Variants in RFNG observed in about 807,000 individuals in gnomAD.
The protein encoded by RFNG is beta-1,3-N-acetylglucosaminyltransferase radical fringe.
Under a neutral mutation model 29.6 loss-of-function variants are expected in RFNG, and 37 were observed. That is an observed-to-expected ratio of 1.25 (90% confidence interval 0.96 to 1.65). RFNG has a LOEUF of 1.65. Ranked by LOEUF, RFNG falls within the 40% of genes most tolerant of loss-of-function variation. RFNG has a pLI of 0.00. For missense variants in RFNG, 546 were observed against 457.0 expected (o/e 1.19, Z -1.78); for synonymous variants, 276 against 197.3 (o/e 1.40, Z -3.34).
Position 82,051,195 on chromosome 17 carries a change from C to T in RFNG, c.316+99G>A, listed in dbSNP as rs568687775. 2.7e-5 allele frequency: 35 copies of T among 1,306,070 alleles called. No individual in the cohort carries two copies. In the African/African-American group the frequency reaches 4.6e-4, roughly 17 times the overall value. 80.9% of individuals were successfully genotyped at this position (1,306,070 alleles called of 1,614,324 possible). On this transcript the variant is annotated intron_variant, in intron 2 of 7. Coordinates refer to ENST00000310496, the MANE Select transcript of RFNG (RefSeq NM_002917.2). The surrounding 1 kb of genome is among the most constrained non-coding windows in gnomAD (Gnocchi z 4.1). ...CCTCCCCGGGCCTCGGGAGCCTGGGCAGAGAAAGGCACCCACAGCAGCGAA... is the reference window on the plus strand; with the variant it reads ...CCTCCCCGGGCCTCGGGAGCCTGGGTAGAGAAAGGCACCCACAGCAGCGAA...
In RFNG at chr17:82,051,775, C is replaced by G. The variant is rs1185363330; in HGVS notation, c.-9G>C. 9.0e-7 allele frequency: 1 copy of G among 1,108,520 alleles called. No individual in the cohort carries two copies. Among genetic ancestry groups the G allele is most frequent in the Non-Finnish European group, 1.1e-6 (1 of 910,302 alleles). 68.7% of individuals were successfully genotyped at this position (1,108,520 alleles called of 1,614,324 possible). A position where few individuals can be genotyped will look rare whatever the true frequency, so the allele number is the denominator to read the frequency against. On this transcript the variant is annotated 5_prime_UTR_variant, in exon 1 of 8. Transcript: ENST00000310496. This position sits in a 1 kb window ranked among gnomAD's most constrained non-coding sequence, Gnocchi z 4.1. The stretch of plus-strand genomic sequence containing the variant: ...CCACGCGCGCGGCTCATGCGGCCGC[C>G]GGGACCCCCGGCGCTGCGAGCGGAG...
In RFNG at chr17:82,049,853, G is replaced by T. The variant is rs765059450; in HGVS notation, c.663-11C>A. The T allele has an allele frequency of 6.2e-7, 1 of 1,605,498 alleles. No individual in the cohort carries two copies. The highest frequency in any genetic ancestry group is 8.5e-7 in the Non-Finnish European group (1 of 1,176,096). ...ATGAAGCTGCCCAGGCTGGGGGGAG[G>T]CCGGTCAGCACCTTTCAGGTCTCAG... On this transcript the variant is annotated splice_polypyrimidine_tract_variant and intron_variant, in intron 5 of 7. Coordinates refer to ENST00000310496, the MANE Select transcript of RFNG (RefSeq NM_002917.2).
At chr17:82,049,636 C>A in intron 6 of RFNG, 41 bp downstream of exon 6, 1 of 1,461,924 alleles carries the variant, frequency 6.8e-7, no homozygotes, top group South Asian at 1.4e-5. Flanking sequence ...CAGGGCGGGG[C>A]AAAGCCCAGG....
At chr17:82,049,872 G>A (rs1435095437) in intron 5 of RFNG, 30 bp from the exon 6 acceptor site, 1 of 1,611,616 alleles carries the variant, frequency 6.2e-7, no homozygotes, top group Non-Finnish European at 8.5e-7. Context: ...CACCTTTCAG[G>A]TCTCAGCCTC....
rs771075644 is a variant in RFNG, at chr17:82,049,754, G to T, written c.751C>A (p.Arg251Ser). The change falls in exon 6 of 8, where the codon CGC (arginine) becomes AGC (serine). Residue 251 changes from arginine to serine, a missense_variant. Transcript: ENST00000310496. ...TGGAAGAGGGGGCTGTGCAGCAGGC[G>T]GGCGCCCAGGAGCCCCTCCACGATG... The part of the protein sequence containing the change: ...GYIVEGLLGA[R>S]LLHSPLFHSH... 1 of 1,521,774 alleles carries T rather than the reference G, an allele frequency of 6.6e-7. No homozygotes were observed. The highest frequency in any genetic ancestry group is 8.8e-7 in the Non-Finnish European group (1 of 1,138,102). The allele number at this position is 1,521,774 out of a possible 1,614,324, so 94.3% of individuals were successfully genotyped here.
Position 82,049,635 on chromosome 17 carries a change from G to A in RFNG, c.828+42C>T, listed in dbSNP as rs771397084. 22 of 1,461,378 alleles carry A rather than the reference G, an allele frequency of 1.5e-5. No homozygotes were observed. The South Asian group carries it at 3.2e-4, about 21-fold the overall frequency. The allele number at this position is 1,461,378 out of a possible 1,614,324, so 90.5% of individuals were successfully genotyped here. A position where few individuals can be genotyped will look rare whatever the true frequency, so the allele number is the denominator to read the frequency against. On this transcript the variant is annotated intron_variant, in intron 6 of 7. Transcript: ENST00000310496. ...GGGCCCCTGGGGGAGTCAGGGCGGG[G>A]CAAAGCCCAGGTGGCAGAGGCACCC...
intron 6 of RFNG, chr17:82,049,469 C>T (rs761163941): frequency 6.1e-5 from 44 of 725,892 alleles, no homozygotes; most frequent in Middle Eastern, 4.5e-4. Flanking sequence ...CTTCTCCCCT[C>T]GTTCCTCTGC....
At chr17:82,050,045 G>A (rs747882223) in intron 4 of RFNG, 39 bp from the exon 5 acceptor site, 43 of 1,528,010 alleles carry the variant, frequency 2.8e-5, no homozygotes, top group South Asian at 2.5e-4. Context: ...CCAGGACAGG[G>A]CTTCTCACCC....
In RFNG at chr17:82,051,418, C is replaced by T; in HGVS notation, c.268-76G>A. 1 of 1,391,016 alleles carries T rather than the reference C, an allele frequency of 7.2e-7. No homozygotes were observed. The highest frequency in any genetic ancestry group is 9.3e-7 in the Non-Finnish European group (1 of 1,073,774). The allele number at this position is 1,391,016 out of a possible 1,614,324, so 86.2% of individuals were successfully genotyped here. ...ACCGACCCGCCCCGCGCGGAGCCTCCGGGGGCCTGGGCCGGGCCTAGACCC... is the reference window on the plus strand; with the variant it reads ...ACCGACCCGCCCCGCGCGGAGCCTCTGGGGGCCTGGGCCGGGCCTAGACCC... On this transcript the variant is annotated intron_variant, in intron 1 of 7. Transcript: ENST00000310496. The surrounding 1 kb of genome is among the most constrained non-coding windows in gnomAD (Gnocchi z 4.1).
chr17:82,050,767 G>C lies in RFNG; in HGVS notation c.317-3C>G. ...GTTGGTGTTGATGACACGGTCGCCT[G>C]CGAATCAGAGACGGGAAGCACGCAC... On this transcript the variant is annotated splice_region_variant and splice_polypyrimidine_tract_variant and intron_variant, in intron 2 of 7. Transcript: ENST00000310496. The C allele has an allele frequency of 6.2e-7, 1 of 1,612,462 alleles. No homozygotes were observed. Among genetic ancestry groups the C allele is most frequent in the Non-Finnish European group, 8.5e-7 (1 of 1,179,696 alleles).
Position 82,051,807 on chromosome 17 carries a change from G to A in RFNG, c.-41C>T, listed in dbSNP as rs1263928314. 17 of 1,133,140 alleles carry A rather than the reference G, an allele frequency of 1.5e-5. No homozygotes were observed. Among genetic ancestry groups the A allele is most frequent in the Non-Finnish European group, 1.5e-5 (14 of 923,938 alleles). 70.2% of individuals were successfully genotyped at this position (1,133,140 alleles called of 1,614,324 possible). On this transcript the variant is annotated 5_prime_UTR_variant, in exon 1 of 8. Transcript: ENST00000310496. This position sits in a 1 kb window ranked among gnomAD's most constrained non-coding sequence, Gnocchi z 4.1. ...CCCGGCGCTGCGAGCGGAGAACCTG[G>A]CCGGAGCCGTGGGTGGGCGGCGGCC...
rs2030076185 is a variant in RFNG, at chr17:82,048,746, CCT to C, written c.974_975del (p.Gln325ArgfsTer43). The C allele has an allele frequency of 3.7e-6, 6 of 1,613,092 alleles. No individual in the cohort carries two copies. The highest frequency in any genetic ancestry group is 5.1e-6 in the Non-Finnish European group (6 of 1,179,838). ...PDTDWCPRQK[Q>X]GAPTSR ...TGGTGTCACCGAGAGGTCGGGGCGC[CCT>C]GTTTCTGCCTGGGACACCAGTCCGT... On this transcript the variant is annotated frameshift_variant, in exon 8 of 8. Coordinates refer to ENST00000310496, the MANE Select transcript of RFNG (RefSeq NM_002917.2). LOFTEE classifies it low-confidence loss of function (END_TRUNC).
In RFNG at chr17:82,048,907, C is replaced by A. The variant is rs146534665; in HGVS notation, c.915-100G>T. ...GAACCTGGGGTCAGGGCCGTGGGTA[C>A]AGGGAGAAGCCGGGGTCAGGGCCGT... On this transcript the variant is annotated intron_variant, in intron 7 of 7. Transcript: ENST00000310496. The A allele has an allele frequency of 2.1e-6, 3 of 1,395,520 alleles. No homozygotes were observed. In the African/African-American group the frequency reaches 4.9e-5, roughly 23 times the overall value. The allele number at this position is 1,395,520 out of a possible 1,614,324, so 86.4% of individuals were successfully genotyped here.
intron 3 of RFNG, 37 bp from the exon 4 acceptor site, chr17:82,050,592 C>T (rs996004014): frequency 1.2e-6 from 2 of 1,607,876 alleles, no homozygotes; most frequent in African/African-American, 1.3e-5. Context: ...GAGGGCCTGG[C>T]ATGGCTGGAC....
chr17:82,051,511 C>A lies in RFNG; in HGVS notation c.256G>T (p.Ala86Ser), dbSNP rs758121697. 29 of 1,389,902 alleles carry A rather than the reference C, an allele frequency of 2.1e-5. No homozygotes were observed. The South Asian group carries it at 4.6e-4, about 22-fold the overall frequency. 86.1% of individuals were successfully genotyped at this position (1,389,902 alleles called of 1,614,324 possible). ...RLLLRTWISR[A>S]RQQTFIFTDG... ...GGGGTCCGGCGCACCTGCTGGCGGG[C>A]CCGGGAGATCCAGGTGCGCAGCAGC... is the stretch of plus-strand genomic sequence containing the variant. The change falls in exon 1 of 8, where the codon GCC becomes TCC. Residue 86 changes from alanine (A) to serine (S), a missense_variant. Coordinates refer to ENST00000310496, the MANE Select transcript of RFNG (RefSeq NM_002917.2). The surrounding 1 kb of genome is among the most constrained non-coding windows in gnomAD (Gnocchi z 4.1).
At position 82,050,723 on chromosome 17, in the gene RFNG, G is replaced by A. The variant is rs769649627; in HGVS notation, c.358C>T (p.Arg120Cys). 1.6e-5 allele frequency: 26 copies of A among 1,613,108 alleles called. No individual in the cohort carries two copies. The highest frequency in any genetic ancestry group is 1.0e-4 in the Admixed American group (6 of 60,008). The change falls in exon 3 of 8, where the codon CGT (arginine) becomes TGT (cysteine). Residue 120 changes from arginine (R) to cysteine (C), a missense_variant. Coordinates refer to ENST00000310496, the MANE Select transcript of RFNG (RefSeq NM_002917.2). ...INTNCSAVRT[R>C]QALCCKMSVE... ...GACATCTTGCAGCAGAGGGCCTGAC[G>A]AGTGCGCACCGCCGAGCAGTTGGTG...
At position 82,050,491 on chromosome 17, in the gene RFNG, T is replaced by C. The variant is rs755173803; in HGVS notation, c.484A>G (p.Ser162Gly). ...TAGACGTCCTGGCTGGGTGAGAAGC[T>C]GGAGAGCAGGTGCAGGAGGCTCCTG... ...NARSLLHLLS[S>G]FSPSQDVYLG... is the part of the protein sequence containing the mutation. Residue 162 changes from serine (S) to glycine (G), a missense_variant, in exon 4 of 8, where the codon AGC becomes GGC. Coordinates refer to ENST00000310496, the MANE Select transcript of RFNG (RefSeq NM_002917.2). The C allele has an allele frequency of 2.5e-6, 4 of 1,612,976 alleles. No homozygotes were observed. The Admixed American group carries it at 6.7e-5, about 27-fold the overall frequency.
In RFNG at chr17:82,051,216, G is replaced by A; in HGVS notation, c.316+78C>T. On this transcript the variant is annotated intron_variant, in intron 2 of 7. Coordinates refer to ENST00000310496, the MANE Select transcript of RFNG (RefSeq NM_002917.2). The surrounding 1 kb of genome is among the most constrained non-coding windows in gnomAD (Gnocchi z 4.1). The stretch of plus-strand genomic sequence containing the variant: ...TGGGCAGAGAAAGGCACCCACAGCA[G>A]CGAAGGGGCCGTGGCTTCGGAGCGA... The A allele has an allele frequency of 1.5e-6, 2 of 1,309,362 alleles. No individual in the cohort carries two copies. The highest frequency in any genetic ancestry group is 2.0e-6 in the Non-Finnish European group (2 of 1,025,434). 81.1% of individuals were successfully genotyped at this position (1,309,362 alleles called of 1,614,324 possible).
At position 82,049,842 on chromosome 17, in the gene RFNG, G is replaced by A. The variant is rs369895962; in HGVS notation, c.663C>T (p.Ser221=). The stretch of plus-strand genomic sequence containing the variant: ...CAGCTGTGCTCATGAAGCTGCCCAG[G>A]CTGGGGGGAGGCCGGTCAGCACCTT... ...GLALKMSPWA[S]LGSFMSTAEQ... Residue 221 remains serine, a splice_region_variant and synonymous_variant, in exon 6 of 8, where the codon AGC becomes AGT. Coordinates refer to ENST00000310496, the MANE Select transcript of RFNG (RefSeq NM_002917.2). The A allele has an allele frequency of 4.4e-5, 71 of 1,603,184 alleles. No homozygotes were observed. The highest frequency in any genetic ancestry group is 6.7e-5 in the South Asian group (6 of 90,130).
Sources: gnomAD v4.1 joint callset for allele counts on GRCh38, gnomAD v4.1.1 for gene constraint, Gnocchi (gnomAD v3.1) non-coding constraint, MANE v1.5 for transcripts, NCBI Gene and HGNC (gene_info 2026-07-23, HGNC 2026-07-21) for gene names.